The following POLR3D variants were observed in gnomAD, a reference collection of about 807,000 sequenced individuals.
POLR3D encodes DNA-directed RNA polymerase III subunit RPC4.
POLR3D carries 42 observed loss-of-function variants against 44.5 expected under a neutral mutation model. The observed-to-expected ratio is 0.94, with a 90% confidence interval of 0.74 to 1.22. The LOEUF is 1.22. Among genes scored for constraint, POLR3D ranks in the 50% most tolerant of loss-of-function variants. The probability of loss-of-function intolerance (pLI) is 0.00; values close to 1 mark genes in which losing one functional copy is unlikely to be tolerated. For missense variants in POLR3D, 507 were observed against 505.2 expected (o/e 1.00, Z -0.03); for synonymous variants, 217 against 198.1 (o/e 1.10, Z -0.80).
At position 22,245,170 on chromosome 8, in the gene POLR3D, T is replaced by G. The variant is rs79812935; in HGVS notation, c.-19T>G. ...GGCGCGGAGACCGAAGGCTGGCGGC[T>G]GGTCGCGTTGCAGGTGAGGTTGTGA... On this transcript the variant is annotated 5_prime_UTR_variant, in exon 1 of 9. Coordinates refer to ENST00000306433, the MANE Select transcript of POLR3D (RefSeq NM_001722.3). 32,566 of 583,750 alleles carry G rather than the reference T, an allele frequency of 0.056. 1,191 individuals carry two copies. The highest frequency in any genetic ancestry group is 0.1 in the Admixed American group (4,107 of 40,446). 36.2% of individuals were successfully genotyped at this position (583,750 alleles called of 1,614,324 possible). A position where few individuals can be genotyped will look rare whatever the true frequency, so the allele number is the denominator to read the frequency against.
intron 1 of POLR3D, 66 bp downstream of exon 1, chr8:22,245,249 G>T (rs1001472735): frequency 5.5e-6 from 3 of 543,122 alleles, no homozygotes; most frequent in Non-Finnish European, 9.9e-6. Context: ...CCTGGGCGGG[G>T]TTCCTGGAGA....
At chr8:22,248,133 G>T in intron 4 of POLR3D, 21 bp from the exon 5 acceptor site, 1 of 1,613,598 alleles carries the variant, frequency 6.2e-7, no homozygotes, top group South Asian at 1.1e-5. Context: ...GATCCCTAGT[G>T]ACCTGGGTGA....
At chr8:22,249,983 C>T in intron 7 of POLR3D, 92 bp from the exon 8 acceptor site, 2 of 1,437,440 alleles carry the variant, frequency 1.4e-6, no homozygotes, top group Non-Finnish European at 1.9e-6. Flanking sequence ...TTGACCTTTG[C>T]TGTGCCTTTC....
chr8:22,246,346 T>G (rs1830042333), intron 2 of POLR3D, among the ~76,000 whole-genome samples: 1 of 152,082 alleles, frequency 6.6e-6, no homozygotes. Context: ...CAGGCTGTTC[T>G]TGAACCCCTG....
At chr8:22,247,662 A>G (rs2131948284) in intron 3 of POLR3D, among the ~76,000 whole-genome samples, 195 bp from the exon 4 acceptor site, 1 of 152,360 alleles carries the variant, frequency 6.6e-6, no homozygotes, top group South Asian at 2.1e-4. Context: ...AAGGTAAAGT[A>G]AAGCAAACTG....
rs973996431 is a variant in POLR3D at position 22,253,340 on chromosome 8, C to G, written c.*2822C>G. On this transcript the variant is annotated 3_prime_UTR_variant, in exon 9 of 9. Transcript: ENST00000306433. Reference sequence around the variant, plus strand: ...CGTCAGCAGCTCCAGCAACCTCCCCCCTGTCTCTTTATAGAGTGGGGCCAC... The same window carrying G: ...CGTCAGCAGCTCCAGCAACCTCCCCGCTGTCTCTTTATAGAGTGGGGCCAC... 6.6e-5 allele frequency: 10 copies of G among 152,288 alleles called. No homozygotes were observed. The highest frequency in any genetic ancestry group is 1.9e-4 in the African/African-American group (8 of 41,456). 9.4% of individuals were successfully genotyped at this position (152,288 alleles called of 1,614,324 possible). A position where few individuals can be genotyped will look rare whatever the true frequency, so the allele number is the denominator to read the frequency against.
chr8:22,245,579 C>G lies in POLR3D; in HGVS notation c.130C>G (p.Arg44Gly). ...PLTPGRLPSI[R>G]SRDLTLGGVK... ...CACCCCCGGCCGCCTTCCCTCCATC[C>G]GTTCCAGGGACCTCACCCTCGGGGG... Residue 44 changes from arginine to glycine, a missense_variant, in exon 2 of 9, where the codon CGT becomes GGT. Coordinates refer to ENST00000306433, the MANE Select transcript of POLR3D (RefSeq NM_001722.3). 1 of 1,260,978 alleles carries G rather than the reference C, an allele frequency of 7.9e-7. No individual in the cohort carries two copies. The highest frequency in any genetic ancestry group is 1.0e-6 in the Non-Finnish European group (1 of 994,730). The allele number at this position is 1,260,978 out of a possible 1,614,324, so 78.1% of individuals were successfully genotyped here.
chr8:22,245,419 T>C, intron 1 of POLR3D, 26 bp from the exon 2 acceptor site: 1 of 1,311,208 alleles, frequency 7.6e-7, no homozygotes, highest in Non-Finnish European at 9.8e-7. Context: ...TCCCCTCTGG[T>C]GATCTCGTCG....
At chr8:22,246,828 C>G (rs770953883) in intron 2 of POLR3D, among the ~76,000 whole-genome samples, 6 of 152,256 alleles carry the variant, frequency 3.9e-5, no homozygotes, top group Non-Finnish European at 5.9e-5. Flanking sequence ...GTTGGCAGAT[C>G]TATGGCCTTC....
At position 22,249,645 on chromosome 8, in the gene POLR3D, C is replaced by T. The variant is rs1048980364; in HGVS notation, c.921+336C>T. On this transcript the variant is annotated intron_variant, in intron 7 of 8. Coordinates refer to ENST00000306433, the MANE Select transcript of POLR3D (RefSeq NM_001722.3). ...AGGAGTTCGAGACTAGCCTGGGCAACGTGGTGACACCATGGCTAATACAAA... is the reference window on the plus strand; with the variant it reads ...AGGAGTTCGAGACTAGCCTGGGCAATGTGGTGACACCATGGCTAATACAAA... Among the ~76,000 whole-genome samples, 10 of 152,086 alleles carry T rather than the reference C, an allele frequency of 6.6e-5. No individual in the cohort carries two copies. In the South Asian group the frequency reaches 8.3e-4, roughly 13 times the overall value.
Position 22,245,442 on chromosome 8 carries a change from C to G in POLR3D, c.-5-3C>G. 1 of 1,309,882 alleles carries G rather than the reference C, an allele frequency of 7.6e-7. No homozygotes were observed. 81.1% of individuals were successfully genotyped at this position (1,309,882 alleles called of 1,614,324 possible). ...GGTGATCTCGTCGCCCCTTCTCTCC[C>G]AGGCAACATGTCGGAAGGAAACGCC... On this transcript the variant is annotated splice_polypyrimidine_tract_variant and splice_region_variant and intron_variant, in intron 1 of 8. Transcript: ENST00000306433.
At position 22,252,286 on chromosome 8, in the gene POLR3D, A is replaced by G. The variant is rs1408202042; in HGVS notation, c.*1768A>G. On this transcript the variant is annotated 3_prime_UTR_variant, in exon 9 of 9. Coordinates refer to ENST00000306433, the MANE Select transcript of POLR3D (RefSeq NM_001722.3). The stretch of plus-strand genomic sequence containing the variant: ...TAAGCTTTGGTTAACTCTGGGCTCC[A>G]GCCCTTTCTTCCTTTAAATAGCTGA... 4 of 153,812 alleles carry G rather than the reference A, an allele frequency of 2.6e-5. No individual in the cohort carries two copies. The Admixed American group carries it at 2.6e-4, about 10-fold the overall frequency. 9.5% of individuals were successfully genotyped at this position (153,812 alleles called of 1,614,324 possible).
intron 8 of POLR3D, 62 bp downstream of exon 8, chr8:22,250,289 A>G: frequency 6.2e-7 from 1 of 1,610,138 alleles, no homozygotes. Flanking sequence ...TTGAAGAGCC[A>G]CTGCTAAATA....
In POLR3D at chr8:22,248,390, CA is replaced by C. The variant is rs1318460413; in HGVS notation, c.487-90del. On this transcript the variant is annotated intron_variant, in intron 5 of 8. Coordinates refer to ENST00000306433, the MANE Select transcript of POLR3D (RefSeq NM_001722.3). ...ACTGATGTCCTGGAATCCTGGGGAG[CA>C]GCGGAATCTTTGGTTAGAAAGGGAC... The C allele has an allele frequency of 1.3e-5, 20 of 1,568,904 alleles. No homozygotes were observed. In the East Asian group the frequency reaches 4.3e-4, roughly 33 times the overall value.
At chr8:22,245,676 A>C (rs1386814385) in intron 2 of POLR3D, 62 bp downstream of exon 2, 1 of 1,161,072 alleles carries the variant, frequency 8.6e-7, no homozygotes, top group Admixed American at 4.2e-5. Context: ...CCAGGATTCA[A>C]CTAATGTTTG....
Position 22,253,576 on chromosome 8 carries a change from A to T in POLR3D, c.*3058A>T, listed in dbSNP as rs1421486102. The T allele has an allele frequency of 6.6e-6, 1 of 152,256 alleles. No individual in the cohort carries two copies. Among genetic ancestry groups the T allele is most frequent in the Non-Finnish European group, 1.5e-5 (1 of 68,044 alleles). The allele number at this position is 152,256 out of a possible 1,614,324, so 9.4% of individuals were successfully genotyped here. A position where few individuals can be genotyped will look rare whatever the true frequency, so the allele number is the denominator to read the frequency against. On this transcript the variant is annotated 3_prime_UTR_variant, in exon 9 of 9. Transcript: ENST00000306433. ...GTATTCATCTAGGCATAACTTTTTA[A>T]AATATTCAGTCACCTTTTATTCTAC...
Position 22,245,602 on chromosome 8 carries a change from G to A in POLR3D, c.153G>A (p.Gly51=), listed in dbSNP as rs1285976587. The A allele has an allele frequency of 5.3e-5, 67 of 1,257,422 alleles. No individual in the cohort carries two copies. The East Asian group carries it at 1.9e-3, about 36-fold the overall frequency. The allele number at this position is 1,257,422 out of a possible 1,614,324, so 77.9% of individuals were successfully genotyped here. The change falls in exon 2 of 9, where the codon GGG becomes GGA. Residue 51 remains glycine, a synonymous_variant. Coordinates refer to ENST00000306433, the MANE Select transcript of POLR3D (RefSeq NM_001722.3). ...PSIRSRDLTL[G]GVKKKTFTPN... is the part of the protein sequence containing the mutation. ...TCCGTTCCAGGGACCTCACCCTCGGGGGAGTCAAGAAGGTACCCAACGGCG... is the reference window on the plus strand; with the variant it reads ...TCCGTTCCAGGGACCTCACCCTCGGAGGAGTCAAGAAGGTACCCAACGGCG...
chr8:22,248,040 A>C, intron 4 of POLR3D, 32 bp downstream of exon 4: 2 of 1,609,674 alleles, frequency 1.2e-6, no homozygotes, highest in Non-Finnish European at 1.7e-6. Context: ...ATTTCAGTTC[A>C]GACTGCCCCA....
In POLR3D at chr8:22,249,320, A is replaced by G. The variant is rs1830076778; in HGVS notation, c.921+11A>G. ...CAGGAGAAAGACCGAGTACGCTCAG[A>G]CAGAGGCCTGCGGGAATCAAGTCGG... On this transcript the variant is annotated intron_variant, in intron 7 of 8. Transcript: ENST00000306433. 6.2e-7 allele frequency: 1 copy of G among 1,611,168 alleles called. No homozygotes were observed.
Sources: allele counts gnomAD v4.1 joint callset (sites outside exome capture counted in the v4.1 genomes callset), GRCh38; gene constraint gnomAD v4.1.1; transcripts MANE v1.5; gene names NCBI Gene and HGNC (gene_info 2026-07-23, HGNC 2026-07-21).